The following CCNY variants were observed in gnomAD, a reference collection of about 807,000 sequenced individuals.
CCNY encodes the protein cyclin Y.
A neutral mutation model predicts 42.8 loss-of-function variants in CCNY; 19 were observed. That is an observed-to-expected ratio of 0.44 (90% CI 0.31 to 0.65). CCNY has a LOEUF of 0.65. Among genes scored for constraint, CCNY ranks in the 30% least tolerant of loss-of-function variants. CCNY has a pLI of 0.07. For synonymous variants in CCNY, 165 were observed against 162.7 expected (o/e 1.01, Z -0.11); for missense variants, 370 against 437.3 (o/e 0.85, Z 1.37).
At chr10:35,567,678 T>C (rs1017473781) in intron 9 of CCNY, among the ~76,000 whole-genome samples, 3 of 152,230 alleles carry the variant, frequency 2.0e-5, no homozygotes, top group African/African-American at 4.8e-5. Flanking sequence ...AAACCTGTTA[T>C]GGATTACACG....
intron 3 of CCNY, among the ~76,000 whole-genome samples, chr10:35,323,092 A>AT (rs1201792351): frequency 2.6e-5 from 4 of 151,732 alleles, no homozygotes; most frequent in East Asian, 1.9e-4. Flanking sequence ...TGCGTGGCAA[A>AT]TTTTTTTTGT....
At chr10:35,349,943 G>A (rs929012078) in intron 1 of CCNY, among the ~76,000 whole-genome samples, 2 of 152,156 alleles carry the variant, frequency 1.3e-5, no homozygotes, top group African/African-American at 2.4e-5. Flanking sequence ...TGCTTTCTTC[G>A]TATCTGTCAC....
At chr10:35,423,545 G>A (rs1224681875) in intron 1 of CCNY, among the ~76,000 whole-genome samples, 1 of 151,540 alleles carries the variant, frequency 6.6e-6, no homozygotes, top group Non-Finnish European at 1.5e-5. Flanking sequence ...TACATTGAGG[G>A]TGTTTGTTGT....
At chr10:35,375,376 C>G (rs1837029812) in intron 1 of CCNY, among the ~76,000 whole-genome samples, 1 of 152,348 alleles carries the variant, frequency 6.6e-6, no homozygotes, top group African/African-American at 2.4e-5. Flanking sequence ...CACATCTTCT[C>G]TCTCTGGCTC....
intron 3 of CCNY, chr10:35,321,024 G>A (rs1835815440): frequency 6.6e-6 from 1 of 151,106 alleles, no homozygotes; most frequent in Admixed American, 6.6e-5. Flanking sequence ...GCTGAGACAG[G>A]AGGACTGCTT....
chr10:35,516,661 CT>C (rs35268084), intron 4 of CCNY, 38 bp downstream of exon 4: 32,716 of 323,384 alleles, frequency 0.1, 13 homozygotes, highest in South Asian at 0.12. Flanking sequence ...TCCTTCCTTC[CT>C]TTTTTTTTTT....
rs17602062 is a variant in CCNY, at chr10:35,519,111, A to C, written c.365+2488A>C. ...TTGAATCTGGCTGAGGTATGCTGTG[A>C]GTATCTGGATTTTTAACAGATCTTG... On this transcript the variant is annotated intron_variant, in intron 4 of 9. Coordinates refer to ENST00000374704, the MANE Select transcript of CCNY (RefSeq NM_145012.6). Among the ~76,000 whole-genome samples the C allele has an allele frequency of 8.3e-4, 118 of 142,044 alleles. 1 individual carries two copies. Among genetic ancestry groups the C allele is most frequent in the African/African-American group, 2.9e-3 (110 of 37,852 alleles). The allele number at this position is 142,044 out of a possible 152,430, so 93.2% of individuals were successfully genotyped here.
At chr10:35,396,979 G>A (rs1356346086) in intron 1 of CCNY, among the ~76,000 whole-genome samples, 3 of 152,152 alleles carry the variant, frequency 2.0e-5, no homozygotes, top group Non-Finnish European at 4.4e-5. Context: ...CAATTTTTCT[G>A]CCTGTTACAG....
At chr10:35,435,995 G>C (rs528673623) in intron 1 of CCNY, among the ~76,000 whole-genome samples, 1 of 152,168 alleles carries the variant, frequency 6.6e-6, no homozygotes, top group African/African-American at 2.4e-5. Context: ...AAGGAAGGAA[G>C]TTCGGTTATG....
chr10:35,271,471 G>C (rs559280998), intron 3 of CCNY, among the ~76,000 whole-genome samples: 2 of 152,252 alleles, frequency 1.3e-5, no homozygotes, highest in African/African-American at 2.4e-5. Flanking sequence ...TTCTGGCAGG[G>C]GGAAGGGAAA....
At chr10:35,289,784 G>T (rs1835390612) in intron 3 of CCNY, among the ~76,000 whole-genome samples, 2 of 149,622 alleles carry the variant, frequency 1.3e-5, no homozygotes. Flanking sequence ...TGAGGCAGGA[G>T]AATCACTTGA....
intron 2 of CCNY, among the ~76,000 whole-genome samples, chr10:35,486,686 C>T (rs975941729): frequency 3.3e-5 from 5 of 152,170 alleles, no homozygotes; most frequent in African/African-American, 1.2e-4. Context: ...AATATGAGGC[C>T]CATCGTGATC....
intron 4 of CCNY, among the ~76,000 whole-genome samples, chr10:35,520,316 C>A (rs930805734): frequency 1.3e-5 from 2 of 152,120 alleles, no homozygotes; most frequent in Admixed American, 1.3e-4. Flanking sequence ...CACATGCCAT[C>A]CCATTCTAAA....
chr10:35,275,536 G>A (rs902696254), intron 3 of CCNY, among the ~76,000 whole-genome samples: 2 of 151,638 alleles, frequency 1.3e-5, no homozygotes, highest in African/African-American at 4.8e-5. Context: ...GGCCGAGGCA[G>A]GCTGATCACG....
intron 3 of CCNY, among the ~76,000 whole-genome samples, chr10:35,327,285 C>T (rs1216805862): frequency 1.3e-5 from 2 of 152,188 alleles, no homozygotes; most frequent in African/African-American, 2.4e-5. Context: ...TGCTTTCTCT[C>T]TCAACAATAT....
chr10:35,281,790 G>A (rs921178602), intron 3 of CCNY, among the ~76,000 whole-genome samples: 1 of 152,156 alleles, frequency 6.6e-6, no homozygotes. Flanking sequence ...CTACGGCATG[G>A]ATGAGATTAT....
At chr10:35,531,324 G>A (rs556784890) in intron 7 of CCNY, among the ~76,000 whole-genome samples, 19 of 152,282 alleles carry the variant, frequency 1.2e-4, no homozygotes, top group Non-Finnish European at 1.5e-4. Flanking sequence ...TTGTGTCTCC[G>A]CCACATGAAG....
chr10:35,297,444 C>G (rs1226587321), intron 3 of CCNY, among the ~76,000 whole-genome samples: 1 of 152,120 alleles, frequency 6.6e-6, no homozygotes, highest in Non-Finnish European at 1.5e-5. Context: ...AAAACTGCCA[C>G]AAGACAAGGA....
intron 1 of CCNY, among the ~76,000 whole-genome samples, chr10:35,351,493 C>T (rs560418519): frequency 1.3e-5 from 2 of 152,246 alleles, no homozygotes; most frequent in South Asian, 4.2e-4. Context: ...CCAGCCTAAC[C>T]CAAGTTAAAT....
Sources: gnomAD v4.1 joint callset for allele counts (sites outside exome capture counted in the v4.1 genomes callset) on GRCh38, gnomAD v4.1.1 for gene constraint, MANE v1.5 for transcripts, NCBI Gene and HGNC (gene_info 2026-07-23, HGNC 2026-07-21) for gene names.